The following SLC24A3 variants were observed in gnomAD, a reference collection of about 807,000 sequenced individuals.
SLC24A3 encodes the protein sodium/potassium/calcium exchanger 3.
SLC24A3 carries 28 observed loss-of-function variants against 75.8 expected under a neutral mutation model. The observed-to-expected ratio is 0.37, with a 90% CI of 0.27 to 0.51. The LOEUF (loss-of-function observed/expected upper bound fraction) is 0.51, where lower values mean the gene tolerates loss of function less well. Among genes scored for constraint, SLC24A3 ranks in the 20% least tolerant of loss-of-function variants. The pLI, the probability that SLC24A3 is intolerant of heterozygous loss-of-function variation, is 0.94. For synonymous variants in SLC24A3, 372 were observed against 334.1 expected, an observed-to-expected ratio of 1.11 and a Z score of -1.24; for missense variants, 663 against 847.8, an observed-to-expected ratio of 0.78 and a Z score of 2.71.
chr20:19,532,363 A>T (rs2030318348), intron 3 of SLC24A3, among the ~76,000 whole-genome samples: 1 of 151,978 alleles, frequency 6.6e-6, no homozygotes, highest in Non-Finnish European at 1.5e-5. Context: ...CTGCTCCCTC[A>T]TCCACAAGGG....
At chr20:19,429,316 G>T (rs1476700305) in intron 2 of SLC24A3, among the ~76,000 whole-genome samples, 1 of 152,182 alleles carries the variant, frequency 6.6e-6, no homozygotes, top group Non-Finnish European at 1.5e-5. Flanking sequence ...TGTCATTTTT[G>T]TATGCTCAAC....
At chr20:19,478,482 A>T (rs1350731245) in intron 2 of SLC24A3, among the ~76,000 whole-genome samples, 1 of 152,092 alleles carries the variant, frequency 6.6e-6, no homozygotes, top group Non-Finnish European at 1.5e-5. Context: ...CTGAAGTGTA[A>T]CCTCAAAGAC....
intron 3 of SLC24A3, among the ~76,000 whole-genome samples, chr20:19,520,767 C>T (rs1370516600): frequency 1.3e-5 from 2 of 152,164 alleles, no homozygotes; most frequent in African/African-American, 4.8e-5. Context: ...TTCTTCCTCC[C>T]CTGGACCCAG....
At chr20:19,549,706 C>T (rs1266588368) in intron 3 of SLC24A3, among the ~76,000 whole-genome samples, 3 of 152,138 alleles carry the variant, frequency 2.0e-5, no homozygotes, top group Admixed American at 1.3e-4. Flanking sequence ...ATTGCTTGAA[C>T]CTGGGAGATA....
chr20:19,647,777 G>T (rs2032156951), intron 6 of SLC24A3, among the ~76,000 whole-genome samples: 1 of 152,216 alleles, frequency 6.6e-6, no homozygotes, highest in Non-Finnish European at 1.5e-5. Context: ...CAAGATCAAT[G>T]AAGAGCACTC....
At chr20:19,384,286 A>G (rs1986233347) in intron 2 of SLC24A3, among the ~76,000 whole-genome samples, 1 of 152,204 alleles carries the variant, frequency 6.6e-6, no homozygotes, top group Non-Finnish European at 1.5e-5. Flanking sequence ...GAACTTATTC[A>G]TCCTGCGTAA....
intron 10 of SLC24A3, among the ~76,000 whole-genome samples, chr20:19,682,275 A>G (rs974801928): frequency 3.9e-5 from 6 of 152,158 alleles, no homozygotes; most frequent in African/African-American, 1.2e-4. Flanking sequence ...AAAAGAAAGA[A>G]AGAAAAGGTA....
At chr20:19,353,282 G>T (rs531829816) in intron 2 of SLC24A3, among the ~76,000 whole-genome samples, 31 of 152,144 alleles carry the variant, frequency 2.0e-4, no homozygotes, top group Non-Finnish European at 4.1e-4. Flanking sequence ...CCCCAAACAA[G>T]CCCACAGTAG....
intron 6 of SLC24A3, among the ~76,000 whole-genome samples, chr20:19,624,865 C>T (rs1005500972): frequency 1.2e-4 from 19 of 152,152 alleles, no homozygotes; most frequent in African/African-American, 4.6e-4. Flanking sequence ...ATTGCTATGT[C>T]ACAAACTATT....
At chr20:19,676,711 G>C (rs1001717615) in intron 9 of SLC24A3, among the ~76,000 whole-genome samples, 1 of 152,210 alleles carries the variant, frequency 6.6e-6, no homozygotes, top group Admixed American at 6.5e-5. Flanking sequence ...AGGTCAAAAA[G>C]CAATTTCAGA....
intron 2 of SLC24A3, among the ~76,000 whole-genome samples, chr20:19,432,123 G>T (rs1987114347): frequency 6.6e-6 from 1 of 152,056 alleles, no homozygotes; most frequent in Non-Finnish European, 1.5e-5. Context: ...GCAGGGAGAG[G>T]TCTTTGCTTT....
chr20:19,356,006 C>T (rs1985674819), intron 2 of SLC24A3, among the ~76,000 whole-genome samples: 1 of 152,082 alleles, frequency 6.6e-6, no homozygotes, highest in Non-Finnish European at 1.5e-5. Context: ...CCCATAGTCA[C>T]CTAGGGGGTC....
intron 2 of SLC24A3, among the ~76,000 whole-genome samples, chr20:19,446,354 G>A (rs987266458): frequency 1.3e-5 from 2 of 152,184 alleles, no homozygotes; most frequent in Non-Finnish European, 2.9e-5. Context: ...CTCATTAGGT[G>A]TGATATAATT....
intron 6 of SLC24A3, among the ~76,000 whole-genome samples, chr20:19,607,235 T>G (rs1461369425): frequency 6.6e-6 from 1 of 152,142 alleles, no homozygotes; most frequent in African/African-American, 2.4e-5. Context: ...CCTGCTGTAC[T>G]CTATGGAATG....
At position 19,213,004 on chromosome 20, in the gene SLC24A3, C is replaced by G; in HGVS notation, c.142+20C>G. ...AGAAGGGTGAGTGCACGCTGCCTGCCCCGAGTGGGCGCTGCGGCTCCGGCG... is the reference window on the plus strand; with the variant it reads ...AGAAGGGTGAGTGCACGCTGCCTGCGCCGAGTGGGCGCTGCGGCTCCGGCG... On this transcript the variant is annotated intron_variant, in intron 1 of 16. Coordinates refer to ENST00000328041, the MANE Select transcript of SLC24A3 (RefSeq NM_020689.4). The G allele has an allele frequency of 8.0e-7, 1 of 1,249,576 alleles. No individual in the cohort carries two copies. 77.4% of individuals were successfully genotyped at this position (1,249,576 alleles called of 1,614,324 possible).
At chr20:19,655,076 G>A (rs1440937196) in intron 7 of SLC24A3, among the ~76,000 whole-genome samples, 1 of 152,136 alleles carries the variant, frequency 6.6e-6, no homozygotes, top group East Asian at 1.9e-4. Flanking sequence ...ATACCCATTT[G>A]GCTTAATTGT....
chr20:19,409,008 G>A (rs1986699559), intron 2 of SLC24A3, among the ~76,000 whole-genome samples: 1 of 152,186 alleles, frequency 6.6e-6, no homozygotes, highest in South Asian at 2.1e-4. Flanking sequence ...TTTGGCTAAA[G>A]GGAGAAGACG....
chr20:19,709,270 A>G (rs190821670), intron 15 of SLC24A3, among the ~76,000 whole-genome samples: 49 of 152,250 alleles, frequency 3.2e-4, no homozygotes, highest in Admixed American at 9.2e-4. Flanking sequence ...TTTAGGAGAA[A>G]GTCCTAAGGC....
intron 1 of SLC24A3, among the ~76,000 whole-genome samples, chr20:19,276,041 G>A (rs1020408774): frequency 3.3e-5 from 5 of 152,286 alleles, no homozygotes; most frequent in South Asian, 2.1e-4. Flanking sequence ...TTTGTGGAGC[G>A]GCCTCTTTGC....
Sources: gnomAD v4.1 joint callset for allele counts (sites outside exome capture counted in the v4.1 genomes callset) on GRCh38, gnomAD v4.1.1 for gene constraint, MANE v1.5 for transcripts, NCBI Gene and HGNC (gene_info 2026-07-23, HGNC 2026-07-21) for gene names.